The following PLIN1 variants were observed in gnomAD, a reference collection of about 807,000 sequenced individuals.
The protein encoded by PLIN1 is perilipin 1, also known as perilipin-1.
A neutral mutation model predicts 45.8 loss-of-function variants in PLIN1; 37 were observed. That is an observed-to-expected ratio of 0.81 (90% CI 0.62 to 1.06). The LOEUF is 1.06. Among genes scored for constraint, PLIN1 ranks in the 50% least tolerant of loss-of-function variants. PLIN1 has a pLI of 0.00. For missense variants in PLIN1, 776 were observed against 716.5 expected, an observed-to-expected ratio of 1.08 and a Z score of -0.95; for synonymous variants, 340 against 309.2, an observed-to-expected ratio of 1.10 and a Z score of -1.05.
intron 2 of PLIN1, chr15:89,677,086 T>C (rs1011895240): frequency 1.4e-5 from 5 of 352,936 alleles, no homozygotes; most frequent in Non-Finnish European, 2.7e-5. Context: ...AGACACAGAA[T>C]ACAGTGGCTC....
At chr15:89,677,573 T>A (rs1245232571) in intron 1 of PLIN1, 70 bp from the exon 2 acceptor site, 3 of 1,312,756 alleles carry the variant, frequency 2.3e-6, no homozygotes, top group Non-Finnish European at 3.3e-6. Context: ...CTTCCCTACC[T>A]CTCATGGCCA....
At position 89,677,490 on chromosome 15, in the gene PLIN1, C is replaced by A; in HGVS notation, c.-1G>T. 1 of 1,614,032 alleles carries A rather than the reference C, an allele frequency of 6.2e-7. No individual in the cohort carries two copies. Among genetic ancestry groups the A allele is most frequent in the Non-Finnish European group, 8.5e-7 (1 of 1,179,924 alleles). ...AGGTGAGGCCTTTGTTGACTGCCAT[C>A]CTCGCTCCTCAAGCTGCAAAACAGA... On this transcript the variant is annotated 5_prime_UTR_variant, in exon 2 of 9. Transcript: ENST00000300055.
intron 6 of PLIN1, 57 bp downstream of exon 6, chr15:89,669,443 G>C: frequency 7.1e-7 from 1 of 1,412,228 alleles, no homozygotes; most frequent in Non-Finnish European, 9.9e-7. Flanking sequence ...GGAGGGACTA[G>C]GAGGCCCACA....
rs777521631 is a variant in PLIN1 at position 89,666,997 on chromosome 15, A to G, written c.1148T>C (p.Leu383Pro). Residue 383 changes from leucine to proline, a missense_variant, in exon 8 of 9, where the codon CTA (leucine) becomes CCA (proline). Leu to Pro is a moderately conservative substitution (Grantham distance 98). Coordinates refer to ENST00000300055, the MANE Select transcript of PLIN1 (RefSeq NM_002666.5). ...AGTAACGCCCTTCAGGGCATCTGAT[A>G]GGGACATGGCCCTCCCCTTGGTTGA... Reference protein sequence around the residue: ...VSSTKGRAMSLSDALKGVTDN... With the variant: ...VSSTKGRAMSPSDALKGVTDN... 2.5e-6 allele frequency: 4 copies of G among 1,613,974 alleles called. No individual in the cohort carries two copies. The African/African-American group carries it at 5.3e-5, about 22-fold the overall frequency.
chr15:89,667,803 G>A lies in PLIN1; in HGVS notation c.772-10C>T, dbSNP rs943950042. 31 of 1,549,586 alleles carry A rather than the reference G, an allele frequency of 2.0e-5. No individual in the cohort carries two copies. The highest frequency in any genetic ancestry group is 2.7e-5 in the Non-Finnish European group (31 of 1,147,910). On this transcript the variant is annotated splice_polypyrimidine_tract_variant and intron_variant, in intron 6 of 8. Transcript: ENST00000300055. ...ACTGGGCCAGGCTGCTCTGAGGGAG[G>A]ATGGCAGCAGATAGCTGGCTCAACT...
intron 4 of PLIN1, 21 bp downstream of exon 4, chr15:89,671,461 C>T (rs533526760): frequency 1.2e-5 from 18 of 1,524,330 alleles, no homozygotes; most frequent in South Asian, 6.0e-5. Context: ...AGGGAGGCTT[C>T]GAGAGGTGGG....
chr15:89,667,351 CCT>C (rs1173665125), intron 7 of PLIN1, among the ~76,000 whole-genome samples, 170 bp from the exon 8 acceptor site: 3 of 152,242 alleles, frequency 2.0e-5, no homozygotes, highest in African/African-American at 7.2e-5. Flanking sequence ...CCTCTCTGAA[CCT>C]CTGTTTCTTC....
At chr15:89,677,334 G>T in intron 2 of PLIN1, 111 bp downstream of exon 2, 2 of 907,314 alleles carry the variant, frequency 2.2e-6, no homozygotes, top group Non-Finnish European at 1.9e-6. Context: ...CAATGAACTA[G>T]GATTATAATC....
Position 89,664,782 on chromosome 15 carries a change from T to TTATC in PLIN1, c.*797_*800dup. The TTATC allele has an allele frequency of 1.2e-5, 5 of 431,330 alleles. No homozygotes were observed. Among genetic ancestry groups the TTATC allele is most frequent in the South Asian group, 8.2e-5 (5 of 61,024 alleles). 26.7% of individuals were successfully genotyped at this position (431,330 alleles called of 1,614,324 possible). On this transcript the variant is annotated 3_prime_UTR_variant, in exon 9 of 9. Coordinates refer to ENST00000300055, the MANE Select transcript of PLIN1 (RefSeq NM_002666.5). Reference sequence around the variant, plus strand: ...AATTGTATGAATGCATTTTCTAGATTTATCAAATATTAACATTTCGAAGAC... The same window carrying TTATC: ...AATTGTATGAATGCATTTTCTAGATTTATCTATCAAATATTAACATTTCGAAGAC...
intron 2 of PLIN1, 77 bp downstream of exon 2, chr15:89,677,368 C>T: frequency 4.4e-6 from 5 of 1,147,380 alleles, no homozygotes; most frequent in Non-Finnish European, 6.6e-6. Flanking sequence ...CTCTAAGTCC[C>T]CTGCATCTCC....
At position 89,666,654 on chromosome 15, in the gene PLIN1, C is replaced by G. The variant is rs570071359; in HGVS notation, c.1209+282G>C. ...TTGAGAGCAAAGGGGTGAAGGTGAG[C>G]CACTGGGATCCTGGGACTGATGGCT... On this transcript the variant is annotated intron_variant, in intron 8 of 8. Transcript: ENST00000300055. Among the ~76,000 whole-genome samples, 229 of 152,280 alleles carry G rather than the reference C, an allele frequency of 1.5e-3. 2 individuals carry two copies. The highest frequency in any genetic ancestry group is 5.3e-3 in the African/African-American group (222 of 41,554).
Position 89,667,618 on chromosome 15 carries a change from T to G in PLIN1, c.947A>C (p.Glu316Ala), listed in dbSNP as rs2141527199. 1 of 1,614,046 alleles carries G rather than the reference T, an allele frequency of 6.2e-7. No individual in the cohort carries two copies. The highest frequency in any genetic ancestry group is 2.2e-5 in the East Asian group (1 of 44,872). The change falls in exon 7 of 9, where the codon GAG (glutamate) becomes GCG (alanine). Residue 316 changes from glutamate (E) to alanine (A), a missense_variant. Physicochemically the swap from Glu to Ala is moderately radical, Grantham distance 107 (BLOSUM62 -1). Transcript: ENST00000300055. ...CCCCCTCACCTCACTGAACTTGTTCTCCTCAGTCTCCAATTCTTCCTCCTC... is the reference window on the plus strand; with the variant it reads ...CCCCCTCACCTCACTGAACTTGTTCGCCTCAGTCTCCAATTCTTCCTCCTC... ...TEEEEELETEENKFSEVAALP... is the reference protein window; with the variant it reads ...TEEEEELETEANKFSEVAALP...
intron 3 of PLIN1, among the ~76,000 whole-genome samples, 180 bp downstream of exon 3, chr15:89,673,030 A>G (rs1408603119): frequency 6.6e-6 from 1 of 152,244 alleles, no homozygotes; most frequent in Non-Finnish European, 1.5e-5. Flanking sequence ...CTATAGAAGA[A>G]AAGAGATCTG....
chr15:89,671,706 T>C, intron 3 of PLIN1, 142 bp from the exon 4 acceptor site: 1 of 711,266 alleles, frequency 1.4e-6, no homozygotes, highest in Non-Finnish European at 2.6e-6. Flanking sequence ...CCCAGGCCCT[T>C]TGCCCTCTTT....
chr15:89,665,482 G>A lies in PLIN1; in HGVS notation c.*101C>T. The A allele has an allele frequency of 4.3e-6, 5 of 1,157,848 alleles. No individual in the cohort carries two copies. Among genetic ancestry groups the A allele is most frequent in the Admixed American group, 2.3e-5 (1 of 43,384 alleles). 71.7% of individuals were successfully genotyped at this position (1,157,848 alleles called of 1,614,324 possible). ...ATCAGGATGAGGCTGAGCTCCCCAG[G>A]GGACCACTTTGAAAGTGGCAACGCT... is the stretch of plus-strand genomic sequence containing the variant. On this transcript the variant is annotated 3_prime_UTR_variant, in exon 9 of 9. Transcript: ENST00000300055.
rs927518229 is a variant in PLIN1, at chr15:89,664,820, T to C, written c.*763A>G. 8.8e-6 allele frequency: 4 copies of C among 453,308 alleles called. No individual in the cohort carries two copies. Among genetic ancestry groups the C allele is most frequent in the Non-Finnish European group, 1.8e-5 (4 of 225,586 alleles). 28.1% of individuals were successfully genotyped at this position (453,308 alleles called of 1,614,324 possible). A position where few individuals can be genotyped will look rare whatever the true frequency, so the allele number is the denominator to read the frequency against. ...ACATTTCGAAGACTAGGGTTGGGGATGAACTGTGGCTATACATAAAGTCTA... is the reference window on the plus strand; with the variant it reads ...ACATTTCGAAGACTAGGGTTGGGGACGAACTGTGGCTATACATAAAGTCTA... On this transcript the variant is annotated 3_prime_UTR_variant, in exon 9 of 9. Coordinates refer to ENST00000300055, the MANE Select transcript of PLIN1 (RefSeq NM_002666.5).
chr15:89,674,331 A>G lies in PLIN1; in HGVS notation c.46-917T>C, dbSNP rs10152408. Among the ~76,000 whole-genome samples, 643 of 152,232 alleles carry G rather than the reference A, an allele frequency of 4.2e-3. 7 individuals are homozygous for G. The highest frequency in any genetic ancestry group is 0.015 in the African/African-American group (616 of 41,532). On this transcript the variant is annotated intron_variant, in intron 2 of 8. Transcript: ENST00000300055. ...AAGTGCATTAGTGCCATCATAGTTC[A>G]CTGTAACCTCCAACTCGTGGGCTCA...
Position 89,673,391 on chromosome 15 carries a change from C to A in PLIN1, c.69G>T (p.Arg23=). ...DLPEQENVLQ[R]VLQLPVVSGT... ...CACTCACCACCGGCAGCTGCAGGAC[C>A]CGCTGCAGCACATTCTCCTGCTCCT... Residue 23 remains arginine, a synonymous_variant, in exon 3 of 9, where the codon CGG becomes CGT. Transcript: ENST00000300055. 2 of 1,602,920 alleles carry A rather than the reference C, an allele frequency of 1.2e-6. 1 individual carries two copies. Among genetic ancestry groups the A allele is most frequent in the South Asian group, 2.2e-5 (2 of 88,968 alleles).
rs552028496 is a variant in PLIN1, at chr15:89,675,193, A to T, written c.46-1779T>A. On this transcript the variant is annotated intron_variant, in intron 2 of 8. Coordinates refer to ENST00000300055, the MANE Select transcript of PLIN1 (RefSeq NM_002666.5). ...CTGCACGTGCTGGGTGTAGTGGAAC[A>T]ATCGTTTATCATTTCCGGGGTGCTG... Among the ~76,000 whole-genome samples, 5 of 152,308 alleles carry T rather than the reference A, an allele frequency of 3.3e-5. No individual in the cohort carries two copies. In the South Asian group the frequency reaches 1.0e-3, roughly 32 times the overall value.
Sources: gnomAD v4.1 joint callset for allele counts (sites outside exome capture counted in the v4.1 genomes callset) on GRCh38, gnomAD v4.1.1 for gene constraint, MANE v1.5 for transcripts, NCBI Gene and HGNC (gene_info 2026-07-23, HGNC 2026-07-21) for gene names.